Variants in RYR3 observed in about 807,000 individuals in gnomAD.
RYR3 encodes ryanodine receptor 3.
Under a neutral mutation model 584.3 loss-of-function variants are expected in RYR3, and 207 were observed. The ratio of observed to expected loss-of-function variants is 0.35; its 90% CI spans 0.32 to 0.40. The LOEUF (loss-of-function observed/expected upper bound fraction) is 0.40. RYR3 is among the 10% of genes least tolerant of loss of function. The pLI is 1.00. For missense variants in RYR3, 5,616 were observed against 6,089.2 expected, an observed-to-expected ratio of 0.92 and a Z score of 2.59; for synonymous variants, 2,416 against 2,248.5, an observed-to-expected ratio of 1.07 and a Z score of -2.11.
chr15:33,327,392 T>A (rs892108457), intron 1 of RYR3, among the ~76,000 whole-genome samples: 1 of 152,232 alleles, frequency 6.6e-6, no homozygotes, highest in Non-Finnish European at 1.5e-5. Flanking sequence ...CTGGTGATAG[T>A]GTGGTACAAC....
At chr15:33,772,834 C>T (rs2073688733) in intron 63 of RYR3, among the ~76,000 whole-genome samples, 1 of 152,146 alleles carries the variant, frequency 6.6e-6, no homozygotes, top group African/African-American at 2.4e-5. Context: ...CATCCAAACT[C>T]ATTATTTTGT....
Position 33,579,998 on chromosome 15 carries a change from C to G in RYR3, c.1291C>G (p.Pro431Ala), listed in dbSNP as rs200313634. 108 of 1,611,948 alleles carry G rather than the reference C, an allele frequency of 6.7e-5. 1 individual carries two copies. Among genetic ancestry groups the G allele is most frequent in the South Asian group, 3.5e-4 (32 of 90,746 alleles). The change falls in exon 13 of 104, where the codon CCC (proline) becomes GCC (alanine). Residue 431 changes from proline (P) to alanine (A), a missense_variant. Physicochemically the swap from Pro to Ala is conservative, Grantham distance 27. Transcript: ENST00000634891. ...TAGCGGAAACAATCGCACAGCTGCCCCCATCACCCTGCCTATAGAAGAAGT... is the reference window on the plus strand; with the variant it reads ...TAGCGGAAACAATCGCACAGCTGCCGCCATCACCCTGCCTATAGAAGAAGT... ...FVSGNNRTAA[P>A]ITLPIEEVLQ...
rs2078190504 is a variant in RYR3, at chr15:33,838,799, A to C, written c.12819A>C (p.Gly4273=). The part of the protein sequence containing the change: ...ELVHFIKGEK[G]DTDIMSDLFG... ...TACACTTCATAAAGGGGGAGAAGGG[A>C]GATACAGATATCATGTCAGACCTCT... is the stretch of plus-strand genomic sequence containing the variant. The change falls in exon 89 of 104, where the codon GGA becomes GGC. Residue 4273 remains glycine, a synonymous_variant. Coordinates refer to ENST00000634891, the MANE Select transcript of RYR3 (RefSeq NM_001036.6). 6.2e-7 allele frequency: 1 copy of C among 1,613,918 alleles called. No individual in the cohort carries two copies. Among genetic ancestry groups the C allele is most frequent in the Admixed American group, 1.7e-5 (1 of 60,014 alleles).
chr15:33,530,630 C>T lies in RYR3; in HGVS notation c.318C>T (p.Gly106=), dbSNP rs2054788525. The T allele has an allele frequency of 1.2e-6, 2 of 1,613,570 alleles. No individual in the cohort carries two copies. Among genetic ancestry groups the T allele is most frequent in the Non-Finnish European group, 1.7e-6 (2 of 1,179,638 alleles). Residue 106 remains glycine, a synonymous_variant, in exon 4 of 104, where the codon GGC becomes GGT. Coordinates refer to ENST00000634891, the MANE Select transcript of RYR3 (RefSeq NM_001036.6). The stretch of plus-strand genomic sequence containing the variant: ...GTGGCCACAGGACCCTGTTATACGG[C>T]CATGCAGTTCTCCTGAGGCACTCTT... ...QGGGHRTLLY[G]HAVLLRHSFS...
At chr15:33,511,963 A>G (rs966209481) in intron 3 of RYR3, among the ~76,000 whole-genome samples, 1 of 152,080 alleles carries the variant, frequency 6.6e-6, no homozygotes, top group Admixed American at 6.5e-5. Flanking sequence ...TATTTTTAGT[A>G]GAGACGGGGT....
intron 102 of RYR3, among the ~76,000 whole-genome samples, chr15:33,862,705 G>A (rs998785088): frequency 4.0e-5 from 6 of 150,604 alleles, no homozygotes; most frequent in Non-Finnish European, 7.4e-5. Flanking sequence ...CCACCTCCTG[G>A]ATTCAAGTGA....
intron 85 of RYR3, among the ~76,000 whole-genome samples, chr15:33,830,087 T>C (rs749059261): frequency 1.3e-5 from 2 of 152,238 alleles, no homozygotes; most frequent in Non-Finnish European, 2.9e-5. Context: ...GGATTTAAAA[T>C]TGTAAACTTA....
chr15:33,800,795 G>A lies in RYR3; in HGVS notation c.9856G>A (p.Ala3286Thr), dbSNP rs763057104. Residue 3286 changes from alanine to threonine, a missense_variant, in exon 68 of 104, where the codon GCT becomes ACT. Transcript: ENST00000634891. The part of the protein sequence containing the change: ...NRSNWLKSPD[A>T]DSDQLFRMVA... Reference sequence around the variant, plus strand: ...ATCTAACTGGCTGAAAAGTCCTGATGCTGATTCTGACCAGCTCTTCCGCAT... The same window carrying A: ...ATCTAACTGGCTGAAAAGTCCTGATACTGATTCTGACCAGCTCTTCCGCAT... 3 of 1,613,626 alleles carry A rather than the reference G, an allele frequency of 1.9e-6. No homozygotes were observed. The highest frequency in any genetic ancestry group is 2.5e-6 in the Non-Finnish European group (3 of 1,179,690).
chr15:33,701,126 A>G, intron 42 of RYR3, 46 bp downstream of exon 42: 1 of 1,263,026 alleles, frequency 7.9e-7, no homozygotes, highest in Non-Finnish European at 1.1e-6. Context: ...TTCGGCCTGT[A>G]GTGCAGCTAA....
intron 1 of RYR3, among the ~76,000 whole-genome samples, chr15:33,442,299 AC>A (rs1172383201): frequency 6.6e-6 from 1 of 152,226 alleles, no homozygotes; most frequent in Non-Finnish European, 1.5e-5. Flanking sequence ...TGAAATTTCC[AC>A]CATGAATTAA....
chr15:33,496,530 T>C (rs2051442016), intron 2 of RYR3, among the ~76,000 whole-genome samples: 2 of 151,974 alleles, frequency 1.3e-5, no homozygotes, highest in Non-Finnish European at 2.9e-5. Flanking sequence ...TTTGAGGAGA[T>C]GAGAGAAAAA....
At chr15:33,364,429 G>A (rs1207701960) in intron 1 of RYR3, among the ~76,000 whole-genome samples, 1 of 152,104 alleles carries the variant, frequency 6.6e-6, no homozygotes, top group Non-Finnish European at 1.5e-5. Context: ...CCTTTGCAGG[G>A]TCCTTCTGTT....
chr15:33,408,032 C>A (rs1007351795), intron 1 of RYR3, among the ~76,000 whole-genome samples: 1 of 149,400 alleles, frequency 6.7e-6, no homozygotes, highest in African/African-American at 2.5e-5. Flanking sequence ...TTCCAGTTTT[C>A]ATTTTTAGAT....
chr15:33,495,709 A>C (rs1277708346), intron 2 of RYR3, among the ~76,000 whole-genome samples: 1 of 152,230 alleles, frequency 6.6e-6, no homozygotes, highest in Non-Finnish European at 1.5e-5. Flanking sequence ...AGCCAACAGC[A>C]TCAGATTTAA....
At chr15:33,430,448 G>A (rs2045041836) in intron 1 of RYR3, among the ~76,000 whole-genome samples, 2 of 152,228 alleles carry the variant, frequency 1.3e-5, no homozygotes, top group Non-Finnish European at 2.9e-5. Flanking sequence ...ATTGGTTGAG[G>A]AGGGAGAGCT....
intron 17 of RYR3, among the ~76,000 whole-genome samples, chr15:33,602,084 T>C (rs1270504212): frequency 6.6e-6 from 1 of 152,208 alleles, no homozygotes; most frequent in Admixed American, 6.5e-5. Flanking sequence ...GTGAACTCAC[T>C]GGACTGGGAC....
intron 58 of RYR3, among the ~76,000 whole-genome samples, chr15:33,755,586 C>T (rs2071738852): frequency 6.6e-6 from 1 of 152,190 alleles, no homozygotes; most frequent in South Asian, 2.1e-4. Flanking sequence ...CATTGCACTC[C>T]AGCCTGGGGA....
At chr15:33,844,740 G>A in intron 92 of RYR3, 122 bp from the exon 93 acceptor site, 1 of 816,852 alleles carries the variant, frequency 1.2e-6, no homozygotes, top group Non-Finnish European at 1.9e-6. Context: ...CATTCATTCA[G>A]CAAGTAATGT....
chr15:33,515,077 T>A (rs118065683), intron 3 of RYR3, among the ~76,000 whole-genome samples: 3,516 of 152,260 alleles, frequency 0.023, 52 homozygotes, highest in Non-Finnish European at 0.036. Context: ...AGAATACATG[T>A]GATAATTTAA....
Sources: gnomAD v4.1 joint callset for allele counts (sites outside exome capture counted in the v4.1 genomes callset) on GRCh38, gnomAD v4.1.1 for gene constraint, MANE v1.5 for transcripts, NCBI Gene and HGNC (gene_info 2026-07-23, HGNC 2026-07-21) for gene names.